The following ATOH8 variants were observed in gnomAD, a reference collection of about 807,000 sequenced individuals.
ATOH8 encodes transcription factor ATOH8.
In ATOH8, 9 loss-of-function variants were observed where a neutral mutation model predicts 21.2. The ratio of observed to expected loss-of-function variants is 0.42; its 90% CI spans 0.26 to 0.74. The LOEUF is 0.74. ATOH8 is among the 30% of genes least tolerant of loss of function. ATOH8 has a pLI of 0.24. For missense variants in ATOH8, 524 were observed against 470.9 expected (o/e 1.11, Z -1.04); for synonymous variants, 253 against 224.0 (o/e 1.13, Z -1.16).
At position 85,790,850 on chromosome 2, in the gene ATOH8, G is replaced by A. The variant is rs760856786; in HGVS notation, c.*3960G>A. Among the ~76,000 whole-genome samples, 3 of 152,164 alleles carry A rather than the reference G, an allele frequency of 2.0e-5. No homozygotes were observed. The highest frequency in any genetic ancestry group is 2.9e-5 in the Non-Finnish European group (2 of 68,040). ...AAGCCGGCGAGGGGACTGGAGTTGG[G>A]GCTACACTTGCCTCCCTCCTATGCT... On this transcript the variant is annotated 3_prime_UTR_variant, in exon 3 of 3. Coordinates refer to ENST00000306279, the MANE Select transcript of ATOH8 (RefSeq NM_032827.7).
chr2:85,762,566 C>A (rs1053843174), intron 1 of ATOH8, among the ~76,000 whole-genome samples: 1 of 152,072 alleles, frequency 6.6e-6, no homozygotes, highest in African/African-American at 2.4e-5. Context: ...TAAGGACAGA[C>A]GGGGTGCTAT....
chr2:85,774,874 C>T lies in ATOH8; in HGVS notation c.960+10692C>T, dbSNP rs981326807. The T allele has an allele frequency of 4.9e-5, 45 of 919,836 alleles. No homozygotes were observed. In the African/African-American group the frequency reaches 8.0e-4, roughly 16 times the overall value. The allele number at this position is 919,836 out of a possible 1,614,324, so 57.0% of individuals were successfully genotyped here. A position where few individuals can be genotyped will look rare whatever the true frequency, so the allele number is the denominator to read the frequency against. On this transcript the variant is annotated intron_variant, in intron 2 of 2. Transcript: ENST00000306279. Reference sequence around the variant, plus strand: ...TCCCTTCTGCCTGGAATGCCCTTCTCCACTGTCTGCCTGGCTAACTCCTGC... The same window carrying T: ...TCCCTTCTGCCTGGAATGCCCTTCTTCACTGTCTGCCTGGCTAACTCCTGC...
chr2:85,763,973 G>A lies in ATOH8; in HGVS notation c.769-18G>A, dbSNP rs758187444. The A allele has an allele frequency of 1.9e-6, 3 of 1,610,678 alleles. No individual in the cohort carries two copies. The South Asian group carries it at 3.3e-5, about 18-fold the overall frequency. On this transcript the variant is annotated intron_variant, in intron 1 of 2. Transcript: ENST00000306279. ...GCACTGCGCCCCTGCAGCCCCTCCTGACGCCTTCTCCCCTCAGGTGCCGTG... is the reference window on the plus strand; with the variant it reads ...GCACTGCGCCCCTGCAGCCCCTCCTAACGCCTTCTCCCCTCAGGTGCCGTG...
intron 2 of ATOH8, chr2:85,774,404 A>G (rs1680271021): frequency 7.1e-6 from 7 of 985,588 alleles, no homozygotes; most frequent in Non-Finnish European, 8.4e-6. Context: ...CCATCCTTAA[A>G]CAGGCCATGC....
intron 1 of ATOH8, chr2:85,760,740 G>C (rs1477704272): frequency 6.6e-6 from 1 of 152,260 alleles, no homozygotes; most frequent in Non-Finnish European, 1.5e-5. Context: ...AGGTGGCCTG[G>C]GCCCAACAGT....
At chr2:85,772,176 A>G (rs72928947) in intron 2 of ATOH8, among the ~76,000 whole-genome samples, 8,441 of 150,338 alleles carry the variant, frequency 0.056, 736 homozygotes, top group East Asian at 0.24. Flanking sequence ...CCCTGGTGGT[A>G]GCGAGGGGTG....
In ATOH8 at chr2:85,789,345, G is replaced by A. The variant is rs557890611; in HGVS notation, c.*2455G>A. 6.6e-5 allele frequency among the ~76,000 whole-genome samples: 10 copies of A among 152,302 alleles called. No homozygotes were observed. Among genetic ancestry groups the A allele is most frequent in the Admixed American group, 2.6e-4 (4 of 15,292 alleles). On this transcript the variant is annotated 3_prime_UTR_variant, in exon 3 of 3. Transcript: ENST00000306279. ...CATGCATGGCATCACGGAGCTCTGG[G>A]TTCTGTACGGAGGGTGGGACAGACA...
intron 1 of ATOH8, 112 bp downstream of exon 1, chr2:85,755,069 C>T (rs983534560): frequency 5.1e-6 from 7 of 1,372,084 alleles, no homozygotes; most frequent in Non-Finnish European, 4.8e-6. Context: ...CTGCCCCGCC[C>T]GGTCCGACCC....
chr2:85,778,013 C>G (rs921232620), intron 2 of ATOH8, among the ~76,000 whole-genome samples: 48 of 152,356 alleles, frequency 3.2e-4, no homozygotes, highest in Admixed American at 9.1e-4. Context: ...CTTCCTACCC[C>G]ACCCCGATGG....
chr2:85,757,380 C>T (rs1031384991), intron 1 of ATOH8, among the ~76,000 whole-genome samples: 17 of 152,252 alleles, frequency 1.1e-4, no homozygotes, highest in African/African-American at 3.6e-4. Flanking sequence ...CTCCGCACCC[C>T]CTCCCCGAAT....
chr2:85,775,608 C>G (rs989113652), intron 2 of ATOH8, among the ~76,000 whole-genome samples: 1 of 152,164 alleles, frequency 6.6e-6, no homozygotes, highest in Admixed American at 6.5e-5. Context: ...AGAGTGGTTG[C>G]CACAGCACCG....
intron 2 of ATOH8, chr2:85,781,216 A>C: frequency 1.5e-5 from 5 of 336,058 alleles, no homozygotes; most frequent in African/African-American, 2.2e-5. Context: ...AGTTAACCAA[A>C]TGTTATCAGT....
At chr2:85,786,757 C>T in intron 2 of ATOH8, 128 bp from the exon 3 acceptor site, 2 of 1,247,676 alleles carry the variant, frequency 1.6e-6, no homozygotes, top group East Asian at 2.4e-5. Context: ...GGCTCTTCCA[C>T]TTATCGAACC....
intron 2 of ATOH8, chr2:85,781,294 T>C (rs537475796): frequency 1.7e-5 from 3 of 178,252 alleles, no homozygotes; most frequent in African/African-American, 7.1e-5. Flanking sequence ...TTCTGTATTT[T>C]CTTTTTCTTT....
At chr2:85,774,078 G>A in intron 2 of ATOH8, 1 of 984,804 alleles carries the variant, frequency 1.0e-6, no homozygotes. Context: ...GTCTGTTCAT[G>A]GATTAGTGGC....
At chr2:85,777,999 GA>G (rs1448725020) in intron 2 of ATOH8, among the ~76,000 whole-genome samples, 3 of 152,228 alleles carry the variant, frequency 2.0e-5, no homozygotes, top group Non-Finnish European at 2.9e-5. Context: ...GGTGGCTGGG[GA>G]CCCTTCCTAC....
chr2:85,778,295 TGCATACGTGTGTGTGTGTGTGCGCGC>T (rs1417234872), intron 2 of ATOH8, among the ~76,000 whole-genome samples: 2 of 148,220 alleles, frequency 1.3e-5, no homozygotes, highest in African/African-American at 5.1e-5. Flanking sequence ...TGTGCACACG[TGCATACGTGTGTGTGTGTGTGCGCGC>T]GCGTGTGTGG....
chr2:85,767,339 T>C (rs13404747), intron 2 of ATOH8, among the ~76,000 whole-genome samples: 134,955 of 151,840 alleles, frequency 0.89, 60,288 homozygotes, highest in African/African-American at 0.96. Flanking sequence ...ACTGAGAGCA[T>C]GCACTGCTCA....
intron 1 of ATOH8, among the ~76,000 whole-genome samples, chr2:85,762,849 G>A (rs543994435): frequency 6.6e-5 from 10 of 152,162 alleles, no homozygotes; most frequent in African/African-American, 2.4e-4. Flanking sequence ...GCCCACCTCC[G>A]TCCCTGCAAT....
Sources: gnomAD v4.1 joint callset for allele counts (sites outside exome capture counted in the v4.1 genomes callset) on GRCh38, gnomAD v4.1.1 for gene constraint, MANE v1.5 for transcripts, NCBI Gene and HGNC (gene_info 2026-07-23, HGNC 2026-07-21) for gene names.